KCNN2: variants seen among roughly 807,000 people sequenced by gnomAD.
The protein encoded by KCNN2 is small conductance calcium-activated potassium channel protein 2.
KCNN2 carries 24 observed loss-of-function variants against 55.5 expected under a neutral mutation model. The ratio of observed to expected loss-of-function variants is 0.43; its 90% CI spans 0.31 to 0.61. The LOEUF (loss-of-function observed/expected upper bound fraction) is 0.61, where lower values mean the gene tolerates loss of function less well. Among genes scored for constraint, KCNN2 ranks in the 20% least tolerant of loss-of-function variants. The pLI, the probability that KCNN2 is intolerant of heterozygous loss-of-function variation, is 0.08. For missense variants in KCNN2, 754 were observed against 853.6 expected, an observed-to-expected ratio of 0.88 and a Z score of 1.45; for synonymous variants, 431 against 336.1, an observed-to-expected ratio of 1.28 and a Z score of -3.09.
chr5:114,363,412 T>TC, intron 1 of KCNN2, 151 bp downstream of exon 1: 2 of 1,003,138 alleles, frequency 2.0e-6, no homozygotes, highest in Non-Finnish European at 2.8e-6. Context: ...AGGACGCGCA[T>TC]CCGTAGTCAG....
intron 1 of KCNN2, among the ~76,000 whole-genome samples, chr5:114,139,640 T>C (rs1451323614): frequency 6.6e-6 from 1 of 150,920 alleles, no homozygotes; most frequent in Non-Finnish European, 1.5e-5. Flanking sequence ...GGCTAAATAA[T>C]ATAGTATTTA....
chr5:114,121,600 A>C (rs967150930), intron 1 of KCNN2, among the ~76,000 whole-genome samples: 1 of 152,162 alleles, frequency 6.6e-6, no homozygotes, highest in Non-Finnish European at 1.5e-5. Flanking sequence ...GACAATAAGG[A>C]AAGTTGCCCC....
intron 1 of KCNN2, among the ~76,000 whole-genome samples, chr5:114,087,969 A>G (rs540997567): frequency 6.6e-6 from 1 of 152,112 alleles, no homozygotes; most frequent in East Asian, 1.9e-4. Context: ...ATGTTTCTTA[A>G]CATTGTTATT....
In KCNN2 at chr5:114,496,068, T is replaced by G; in HGVS notation, c.2262T>G (p.Ala754=). ...IRQQQRDFIE[A]QMESYDKHVT... ...AGCAGCAGAGAGATTTCATTGAGGC[T>G]CAGATGGAGAGCTACGACAAGCACG... The change falls in exon 8 of 8, where the codon GCT becomes GCG. Residue 754 remains alanine, a synonymous_variant. Transcript: ENST00000673685. 6.2e-7 allele frequency: 1 copy of G among 1,613,996 alleles called. No individual in the cohort carries two copies. Among genetic ancestry groups the G allele is most frequent in the South Asian group, 1.1e-5 (1 of 91,080 alleles).
chr5:114,496,054 G>A lies in KCNN2; in HGVS notation c.2248G>A (p.Asp750Asn), dbSNP rs773004104. The change falls in exon 8 of 8, where the codon GAT becomes AAT. Residue 750 changes from aspartate to asparagine, a missense_variant. Coordinates refer to ENST00000673685, the MANE Select transcript of KCNN2 (RefSeq NM_021614.4). ...ISQTIRQQQR[D>N]FIEAQMESYD... is the part of the protein sequence containing the mutation. Reference sequence around the variant, plus strand: ...CCAGACCATCAGGCAGCAGCAGAGAGATTTCATTGAGGCTCAGATGGAGAG... The same window carrying A: ...CCAGACCATCAGGCAGCAGCAGAGAAATTTCATTGAGGCTCAGATGGAGAG... 7 of 1,613,948 alleles carry A rather than the reference G, an allele frequency of 4.3e-6. No homozygotes were observed. Among genetic ancestry groups the A allele is most frequent in the Non-Finnish European group, 5.9e-6 (7 of 1,179,988 alleles).
intron 2 of KCNN2, among the ~76,000 whole-genome samples, chr5:114,280,444 T>C (rs1755600698): frequency 1.3e-5 from 2 of 152,232 alleles, no homozygotes; most frequent in African/African-American, 4.8e-5. Flanking sequence ...GTCTAATATT[T>C]AAGTCTTTAA....
In KCNN2 at chr5:114,322,600, C is replaced by CACACACAT. The variant is rs1329485806; in HGVS notation, c.-184-38340_-184-38339insCATACACA. Among the ~76,000 whole-genome samples the CACACACAT allele has an allele frequency of 2.6e-5, 4 of 151,240 alleles. No homozygotes were observed. The South Asian group carries it at 6.3e-4, about 24-fold the overall frequency. ...ATACACACACACACACACACACACA[C>CACACACAT]ACACATACACACTTGATTCCAGGAC... On this transcript the variant is annotated intron_variant, in intron 2 of 10. Coordinates refer to the KCNN2 transcript ENST00000512097.
intron 1 of KCNN2, among the ~76,000 whole-genome samples, chr5:114,099,737 A>G (rs1751336466): frequency 2.0e-5 from 3 of 152,236 alleles, no homozygotes; most frequent in Admixed American, 6.5e-5. Context: ...GCTTTTCTTC[A>G]GATATAGTAG....
intron 1 of KCNN2, among the ~76,000 whole-genome samples, chr5:114,172,707 T>C (rs1753063484): frequency 6.6e-6 from 1 of 151,232 alleles, no homozygotes; most frequent in Non-Finnish European, 1.5e-5. Context: ...CTGAGCACCT[T>C]TTCATATGCC....
chr5:114,480,810 T>G (rs558613566), intron 5 of KCNN2, among the ~76,000 whole-genome samples: 7 of 152,136 alleles, frequency 4.6e-5, no homozygotes, highest in Non-Finnish European at 1.5e-5. Flanking sequence ...TCAAAAAAAT[T>G]CAACATCCCT....
intron 2 of KCNN2, among the ~76,000 whole-genome samples, chr5:114,380,381 T>C (rs1261994098): frequency 2.0e-5 from 3 of 152,196 alleles, no homozygotes; most frequent in Non-Finnish European, 2.9e-5. Flanking sequence ...CCTGGCTCTC[T>C]CTCATTTCAT....
chr5:114,428,519 A>G (rs1192554041), intron 3 of KCNN2, among the ~76,000 whole-genome samples: 1 of 152,144 alleles, frequency 6.6e-6, no homozygotes, highest in African/African-American at 2.4e-5. Flanking sequence ...CATATTTATT[A>G]TAAAAGCATT....
chr5:114,493,758 G>A (rs1017033679), intron 7 of KCNN2, among the ~76,000 whole-genome samples: 2 of 152,076 alleles, frequency 1.3e-5, no homozygotes, highest in Admixed American at 6.6e-5. Flanking sequence ...CAATACATGC[G>A]GGATTTTTAT....
At chr5:114,386,553 A>G (rs1439047054) in intron 2 of KCNN2, among the ~76,000 whole-genome samples, 2 of 152,204 alleles carry the variant, frequency 1.3e-5, no homozygotes, top group Non-Finnish European at 2.9e-5. Flanking sequence ...TGCCAATTTA[A>G]AAATCATGCA....
intron 3 of KCNN2, among the ~76,000 whole-genome samples, chr5:114,419,574 A>G (rs540446005): frequency 1.3e-5 from 2 of 152,348 alleles, no homozygotes; most frequent in South Asian, 2.1e-4. Context: ...TTTGGTACCA[A>G]TGATCAAACA....
At chr5:114,074,323 T>C (rs1313208767) in intron 1 of KCNN2, among the ~76,000 whole-genome samples, 4 of 146,522 alleles carry the variant, frequency 2.7e-5, no homozygotes, top group Non-Finnish European at 5.9e-5. Context: ...TGTGTGTGTG[T>C]GTGTGTGCGC....
At chr5:114,059,086 G>A (rs1020056147) in intron 1 of KCNN2, among the ~76,000 whole-genome samples, 6 of 152,152 alleles carry the variant, frequency 3.9e-5, no homozygotes, top group African/African-American at 1.4e-4. Flanking sequence ...GTGCATCTGG[G>A]TGGTGGGCAT....
rs917219346 is a variant in KCNN2, at chr5:114,362,817, C to T, written c.678C>T (p.Leu226=). ...CRYNGGVMRP[L]SNLSASRRNL... ...ACAACGGGGGCGTCATGCGGCCGCT[C>T]AGCAACTTGAGCGCGTCCCGCCGGA... Residue 226 remains leucine, a synonymous_variant, in exon 1 of 8, where the codon CTC becomes CTT. Transcript: ENST00000673685. 6.3e-7 allele frequency: 1 copy of T among 1,598,986 alleles called. No homozygotes were observed. Among genetic ancestry groups the T allele is most frequent in the South Asian group, 1.1e-5 (1 of 90,770 alleles).
intron 2 of KCNN2, among the ~76,000 whole-genome samples, chr5:114,345,546 C>T (rs1757090201): frequency 2.6e-5 from 4 of 152,162 alleles, no homozygotes; most frequent in Admixed American, 2.6e-4. Context: ...AAGAAGCTAG[C>T]TGCATTACAG....
Sources: gnomAD v4.1 joint callset for allele counts (sites outside exome capture counted in the v4.1 genomes callset) on GRCh38, gnomAD v4.1.1 for gene constraint, MANE v1.5 for transcripts, NCBI Gene and HGNC (gene_info 2026-07-23, HGNC 2026-07-21) for gene names.